The following GFRA1 variants were observed in gnomAD, a reference collection of about 807,000 sequenced individuals.
GFRA1 encodes the protein GDNF family receptor alpha 1, also known as GDNF family receptor alpha-1.
A neutral mutation model predicts 51.6 loss-of-function variants in GFRA1; 16 were observed. The observed-to-expected ratio is 0.31, with a 90% CI of 0.21 to 0.47. The LOEUF is 0.47. Among genes scored for constraint, GFRA1 ranks in the 20% least tolerant of loss-of-function variants. GFRA1 has a pLI of 1.00. For synonymous variants in GFRA1, 270 were observed against 241.3 expected, an observed-to-expected ratio of 1.12 and a Z score of -1.10; for missense variants, 530 against 594.3, an observed-to-expected ratio of 0.89 and a Z score of 1.13.
chr10:116,124,843 C>T (rs1210349325), intron 6 of GFRA1, among the ~76,000 whole-genome samples: 1 of 152,138 alleles, frequency 6.6e-6, no homozygotes, highest in Non-Finnish European at 1.5e-5. Flanking sequence ...AAGCTCCAGC[C>T]AGCTCCTCTC....
At chr10:116,132,286 T>C (rs1235910660) in intron 5 of GFRA1, among the ~76,000 whole-genome samples, 1 of 152,146 alleles carries the variant, frequency 6.6e-6, no homozygotes, top group East Asian at 1.9e-4. Flanking sequence ...GTTAGTCATA[T>C]GTGTGCTGAA....
chr10:116,219,274 A>G (rs1288151517), intron 4 of GFRA1, among the ~76,000 whole-genome samples: 1 of 152,212 alleles, frequency 6.6e-6, no homozygotes, highest in Non-Finnish European at 1.5e-5. Context: ...TTATGATTGC[A>G]TTCTGTATAC....
intron 5 of GFRA1, among the ~76,000 whole-genome samples, chr10:116,163,787 C>T (rs563183885): frequency 6.6e-6 from 1 of 152,318 alleles, no homozygotes; most frequent in South Asian, 2.1e-4. Flanking sequence ...CACTCTCCGC[C>T]AGTGCTGGCC....
At chr10:116,227,348 C>G (rs1966371497) in intron 4 of GFRA1, among the ~76,000 whole-genome samples, 1 of 152,192 alleles carries the variant, frequency 6.6e-6, no homozygotes, top group South Asian at 2.1e-4. Flanking sequence ...CTTTTTCAAA[C>G]TTATTCTTTG....
intron 5 of GFRA1, among the ~76,000 whole-genome samples, chr10:116,142,032 G>T (rs887824925): frequency 1.3e-5 from 2 of 152,158 alleles, no homozygotes; most frequent in African/African-American, 4.8e-5. Context: ...TATTGCTGTT[G>T]CTAGATGACC....
At chr10:116,163,814 T>C (rs1250661497) in intron 5 of GFRA1, among the ~76,000 whole-genome samples, 1 of 152,162 alleles carries the variant, frequency 6.6e-6, no homozygotes, top group Non-Finnish European at 1.5e-5. Flanking sequence ...TTCCTCCCCA[T>C]TGCTCCACTC....
intron 4 of GFRA1, among the ~76,000 whole-genome samples, chr10:116,243,995 G>T (rs1187705738): frequency 6.6e-6 from 1 of 152,146 alleles, no homozygotes; most frequent in Admixed American, 6.5e-5. Flanking sequence ...ATCCATGAAA[G>T]GCCCAGCAAA....
intron 10 of GFRA1, 79 bp downstream of exon 10, chr10:116,065,494 T>A (rs1419674953): frequency 2.8e-5 from 32 of 1,154,308 alleles, no homozygotes; most frequent in Non-Finnish European, 4.0e-5. Context: ...TTTGAATGCT[T>A]TATATGATAC....
chr10:116,103,750 C>T lies in GFRA1; in HGVS notation c.771-6986G>A, dbSNP rs900870318. ...AAGGTAATTGTCTGGTATAGTGACACAAAACAGATTTTTCCTCTTTCTGTT... is the reference window on the plus strand; with the variant it reads ...AAGGTAATTGTCTGGTATAGTGACATAAAACAGATTTTTCCTCTTTCTGTT... On this transcript the variant is annotated intron_variant, in intron 6 of 10. Coordinates refer to ENST00000355422, the MANE Select transcript of GFRA1 (RefSeq NM_005264.8). 5.3e-5 allele frequency among the ~76,000 whole-genome samples: 8 copies of T among 152,196 alleles called. 1 individual carries two copies. The South Asian group carries it at 1.7e-3, about 32-fold the overall frequency.
In GFRA1 at chr10:116,221,025, G is replaced by T. The variant is rs556386077; in HGVS notation, c.419-9380C>A. ...ACATTCTGTCCACTGTAGTCCCAAA[G>T]CCCAGGGCAGAATATTAGAGCATAA... On this transcript the variant is annotated intron_variant, in intron 4 of 10. Coordinates refer to ENST00000355422, the MANE Select transcript of GFRA1 (RefSeq NM_005264.8). Among the ~76,000 whole-genome samples, 11 of 152,208 alleles carry T rather than the reference G, an allele frequency of 7.2e-5. No individual in the cohort carries two copies. The South Asian group carries it at 2.3e-3, about 32-fold the overall frequency.
chr10:116,204,952 A>C lies in GFRA1; in HGVS notation c.433+6679T>G, dbSNP rs532790334. 2.0e-5 allele frequency among the ~76,000 whole-genome samples: 3 copies of C among 152,342 alleles called. No homozygotes were observed. In the South Asian group the frequency reaches 6.2e-4, roughly 32 times the overall value. ...GAGGAAAGTAACCACACCAGTGGAG[A>C]AACTTGACACACACTATTTCAGCCA... On this transcript the variant is annotated intron_variant, in intron 5 of 10. Coordinates refer to ENST00000355422, the MANE Select transcript of GFRA1 (RefSeq NM_005264.8).
chr10:116,072,137 T>A (rs1253190052), intron 9 of GFRA1, among the ~76,000 whole-genome samples: 3 of 152,136 alleles, frequency 2.0e-5, no homozygotes, highest in Non-Finnish European at 4.4e-5. Context: ...GAAGCAATTG[T>A]CCTTTTTTTG....
intron 4 of GFRA1, among the ~76,000 whole-genome samples, chr10:116,219,511 G>A (rs1282944606): frequency 6.6e-6 from 1 of 151,928 alleles, no homozygotes; most frequent in African/African-American, 2.4e-5. Flanking sequence ...TATTAAAATC[G>A]ATCCCTCTAG....
chr10:116,096,858 T>C (rs547596439), intron 6 of GFRA1, 94 bp from the exon 7 acceptor site: 1 of 696,578 alleles, frequency 1.4e-6, no homozygotes, highest in East Asian at 2.8e-5. Context: ...TTTGTTGATA[T>C]GCCTTTTTCT....
chr10:116,126,520 G>T (rs1220466894), intron 5 of GFRA1, among the ~76,000 whole-genome samples: 3 of 152,268 alleles, frequency 2.0e-5, no homozygotes, highest in South Asian at 4.1e-4. Flanking sequence ...ATTCAGCCCT[G>T]TCCCCAATAG....
At chr10:116,273,237 A>G (rs1003495198), upstream of GFRA1, 1 of 152,040 alleles carries the variant, frequency 6.6e-6, no homozygotes, top group Non-Finnish European at 1.5e-5. Context: ...TTTCAGGGCA[A>G]TGGTGTCCCC....
At chr10:116,121,177 T>G (rs1228698829) in intron 6 of GFRA1, among the ~76,000 whole-genome samples, 1 of 152,136 alleles carries the variant, frequency 6.6e-6, no homozygotes, top group Non-Finnish European at 1.5e-5. Flanking sequence ...AAGTTTAAAT[T>G]ACACAGATTT....
chr10:116,106,507 G>C (rs189103578), intron 6 of GFRA1, among the ~76,000 whole-genome samples: 196 of 152,280 alleles, frequency 1.3e-3, no homozygotes, highest in African/African-American at 4.4e-3. Flanking sequence ...TGTTGGAGGT[G>C]GGGCCTGGTG....
chr10:116,098,458 A>G (rs76727122), intron 6 of GFRA1, among the ~76,000 whole-genome samples: 91 of 152,322 alleles, frequency 6.0e-4, no homozygotes, highest in African/African-American at 2.0e-3. Flanking sequence ...ACTGGCTCCA[A>G]TGGCATCCAG....
Sources: gnomAD v4.1 joint callset for allele counts (sites outside exome capture counted in the v4.1 genomes callset) on GRCh38, gnomAD v4.1.1 for gene constraint, MANE v1.5 for transcripts, NCBI Gene and HGNC (gene_info 2026-07-23, HGNC 2026-07-21) for gene names.